Variants in PRR5 observed in about 807,000 individuals in gnomAD.
PRR5 encodes proline-rich protein 5.
A neutral mutation model predicts 30.6 loss-of-function variants in PRR5; 25 were observed. The observed-to-expected ratio is 0.82, with a 90% confidence interval of 0.60 to 1.14. PRR5 has a LOEUF of 1.14. Ranked by LOEUF, PRR5 falls within the 50% of genes most tolerant of loss-of-function variation. The probability of loss-of-function intolerance (pLI) is 0.00; values close to 1 mark genes in which losing one functional copy is unlikely to be tolerated. For synonymous variants in PRR5, 286 were observed against 247.1 expected (o/e 1.16, Z -1.48); for missense variants, 600 against 547.1 (o/e 1.10, Z -0.96).
intron 1 of PRR5, among the ~76,000 whole-genome samples, chr22:44,687,719 C>A (rs1924875766): frequency 6.6e-6 from 1 of 152,156 alleles, no homozygotes. Context: ...CCCTCCGTCT[C>A]AACACCCTCT....
At chr22:44,711,121 C>T (rs1054637686) in intron 1 of PRR5, among the ~76,000 whole-genome samples, 1 of 152,104 alleles carries the variant, frequency 6.6e-6, no homozygotes, top group Non-Finnish European at 1.5e-5. Context: ...CAGGCCTCCA[C>T]GGAGGGAAGG....
upstream of PRR5, chr22:44,676,702 C>T (rs1923796913): frequency 6.6e-6 from 1 of 152,338 alleles, no homozygotes; most frequent in Admixed American, 6.5e-5. Context: ...GGGTGGGGCT[C>T]AGGGGCGTGT....
intron 1 of PRR5, among the ~76,000 whole-genome samples, chr22:44,706,830 G>A (rs942779838): frequency 1.3e-5 from 2 of 151,656 alleles, no homozygotes; most frequent in Non-Finnish European, 2.9e-5. Context: ...ACTTGGGCCA[G>A]GGAATGTTTG....
intron 4 of PRR5, chr22:44,729,195 C>G (rs1022455133): frequency 3.0e-5 from 21 of 690,036 alleles, no homozygotes; most frequent in Non-Finnish European, 3.6e-5. Flanking sequence ...GTGCCTCGGC[C>G]GTCCCCGCGC....
Position 44,735,118 on chromosome 22 carries a change from G to A in PRR5, c.647G>A (p.Gly216Asp). 6.2e-6 allele frequency: 10 copies of A among 1,613,036 alleles called. No individual in the cohort carries two copies. The highest frequency in any genetic ancestry group is 2.2e-5 in the East Asian group (1 of 44,878). The stretch of plus-strand genomic sequence containing the variant: ...GTGTCGCCATACCTGGGCACCTACG[G>A]CCTCCACTCCAGCGAGGGGCCCTTC... ...KVVSPYLGTY[G>D]LHSSEGPFTH... The change falls in exon 7 of 8, where the codon GGC becomes GAC. Residue 216 changes from glycine to aspartate, a missense_variant. Physicochemically the swap from Gly to Asp is moderately conservative, Grantham distance 94. Coordinates refer to ENST00000336985, the MANE Select transcript of PRR5 (RefSeq NM_181333.4).
At chr22:44,705,577 G>A (rs201247224) in intron 1 of PRR5, among the ~76,000 whole-genome samples, 2 of 151,684 alleles carry the variant, frequency 1.3e-5, no homozygotes, top group Non-Finnish European at 2.9e-5. Flanking sequence ...TGCCCACCTC[G>A]GCCTCCCAAA....
intron 2 of PRR5, among the ~76,000 whole-genome samples, chr22:44,724,750 A>G (rs956900256): frequency 6.6e-6 from 1 of 152,196 alleles, no homozygotes; most frequent in Admixed American, 6.5e-5. Context: ...CCCTGTAATA[A>G]AAGGGGAACC....
upstream of PRR5, among the ~76,000 whole-genome samples, chr22:44,673,482 C>T (rs998080783): frequency 2.6e-5 from 4 of 152,332 alleles, no homozygotes; most frequent in African/African-American, 9.6e-5. Flanking sequence ...CCATCATCAT[C>T]CCATTGTACA....
intron 6 of PRR5, 141 bp from the exon 7 acceptor site, chr22:44,734,886 C>A: frequency 8.1e-7 from 1 of 1,232,192 alleles, no homozygotes; most frequent in Non-Finnish European, 1.1e-6. Flanking sequence ...GTGGGCCCTG[C>A]CATGGGGACA....
At chr22:44,669,506 C>T (rs1321357413) in intron 1 of PRR5, among the ~76,000 whole-genome samples, 8 of 152,222 alleles carry the variant, frequency 5.3e-5, no homozygotes, top group Non-Finnish European at 1.5e-5. Context: ...CTCACCATCC[C>T]TTGGCAGGTG....
Position 44,737,084 on chromosome 22 carries a change from C to T in PRR5, c.1004C>T (p.Pro335Leu). ...CAGCCCCCTGAGCAGGGCTTGGATC[C>T]CACCCGCAGCTCCCTGCCCCGCTCC... Reference protein sequence around the residue: ...TTQPPEQGLDPTRSSLPRSSP... With the variant: ...TTQPPEQGLDLTRSSLPRSSP... Residue 335 changes from proline to leucine, a missense_variant, in exon 8 of 8, where the codon CCC becomes CTC. By Grantham distance (98) the Pro-to-Leu change is moderately conservative. Coordinates refer to ENST00000336985, the MANE Select transcript of PRR5 (RefSeq NM_181333.4). The T allele has an allele frequency of 6.2e-7, 1 of 1,611,436 alleles. No homozygotes were observed. The highest frequency in any genetic ancestry group is 8.5e-7 in the Non-Finnish European group (1 of 1,179,816).
intron 2 of PRR5, among the ~76,000 whole-genome samples, chr22:44,724,541 G>A (rs1206191878): frequency 1.3e-5 from 2 of 152,222 alleles, no homozygotes; most frequent in African/African-American, 4.8e-5. Flanking sequence ...TGGGGCCTCA[G>A]CGCTGACAGT....
chr22:44,702,909 G>A (rs1926577955), intron 1 of PRR5, among the ~76,000 whole-genome samples: 1 of 152,232 alleles, frequency 6.6e-6, no homozygotes, highest in Non-Finnish European at 1.5e-5. Flanking sequence ...CTCCTACCCG[G>A]GGTCTTTCCA....
upstream of PRR5, among the ~76,000 whole-genome samples, chr22:44,700,888 A>C (rs114525771): frequency 6.6e-6 from 1 of 152,006 alleles, no homozygotes; most frequent in African/African-American, 2.4e-5. Flanking sequence ...TATTATGATG[A>C]TGATGATTTT....
intron 2 of PRR5, among the ~76,000 whole-genome samples, chr22:44,717,260 C>G (rs1929210700): frequency 7.1e-6 from 1 of 141,508 alleles, no homozygotes; most frequent in Non-Finnish European, 1.5e-5. Flanking sequence ...GGTGCGATCT[C>G]AGCTCACTGC....
chr22:44,715,059 G>A (rs536933115), intron 2 of PRR5, among the ~76,000 whole-genome samples: 2 of 152,362 alleles, frequency 1.3e-5, no homozygotes, highest in South Asian at 2.1e-4. Context: ...CCTGCCTAAC[G>A]ACGGGAGTGT....
intron 3 of PRR5, among the ~76,000 whole-genome samples, chr22:44,725,691 G>T (rs1268703857): frequency 6.6e-6 from 1 of 152,024 alleles, no homozygotes; most frequent in East Asian, 1.9e-4. Flanking sequence ...TTGAGATGGA[G>T]TCTTGCTCTG....
At chr22:44,696,256 A>G (rs971581548) in intron 1 of PRR5, among the ~76,000 whole-genome samples, 1 of 152,176 alleles carries the variant, frequency 6.6e-6, no homozygotes, top group Non-Finnish European at 1.5e-5. Flanking sequence ...AGGAGGTGGC[A>G]GAGCTGAGGG....
chr22:44,677,612 C>A (rs1276196834), intron 1 of PRR5, among the ~76,000 whole-genome samples: 1 of 152,232 alleles, frequency 6.6e-6, no homozygotes, highest in Non-Finnish European at 1.5e-5. Context: ...ATTCTGGGTG[C>A]CCTGGCCACG....
Sources: allele counts gnomAD v4.1 joint callset (sites outside exome capture counted in the v4.1 genomes callset), GRCh38; gene constraint gnomAD v4.1.1; transcripts MANE v1.5; gene names NCBI Gene and HGNC (gene_info 2026-07-23, HGNC 2026-07-21).